JAZF1: variants seen among roughly 807,000 people sequenced by gnomAD.
JAZF1 encodes the protein JAZF zinc finger 1.
Under a neutral mutation model 26.4 loss-of-function variants are expected in JAZF1, and 8 were observed. The observed-to-expected ratio is 0.30, with a 90% CI of 0.18 to 0.55. The LOEUF (loss-of-function observed/expected upper bound fraction) is 0.55. Ranked by LOEUF, JAZF1 falls within the 20% of genes least tolerant of loss-of-function variation. The pLI is 0.94. For missense variants in JAZF1, 199 were observed against 322.0 expected, an observed-to-expected ratio of 0.62 and a Z score of 2.92; for synonymous variants, 126 against 122.3, an observed-to-expected ratio of 1.03 and a Z score of -0.20.
intron 3 of JAZF1, among the ~76,000 whole-genome samples, chr7:27,886,027 T>A (rs1040887343): frequency 9.9e-5 from 15 of 152,220 alleles, no homozygotes; most frequent in Non-Finnish European, 2.2e-4. Context: ...CAGTCAACAC[T>A]TCCTGAACAC....
At chr7:27,889,069 C>T (rs190366543) in intron 3 of JAZF1, among the ~76,000 whole-genome samples, 2 of 152,300 alleles carry the variant, frequency 1.3e-5, no homozygotes, top group African/African-American at 4.8e-5. Flanking sequence ...CACATAGATA[C>T]TACAATGAGA....
intron 2 of JAZF1, among the ~76,000 whole-genome samples, chr7:27,938,543 T>C (rs1411749511): frequency 6.6e-6 from 1 of 152,224 alleles, no homozygotes; most frequent in Non-Finnish European, 1.5e-5. Flanking sequence ...TGTGCCTCAG[T>C]TACCTCATGT....
At chr7:27,958,932 T>C (rs1339004913) in intron 2 of JAZF1, among the ~76,000 whole-genome samples, 1 of 152,156 alleles carries the variant, frequency 6.6e-6, no homozygotes, top group Non-Finnish European at 1.5e-5. Flanking sequence ...CGGTAATTGG[T>C]TTTACTAGCA....
intron 1 of JAZF1, among the ~76,000 whole-genome samples, chr7:28,133,439 G>C (rs925277405): frequency 6.6e-6 from 1 of 152,190 alleles, no homozygotes; most frequent in Non-Finnish European, 1.5e-5. Context: ...GAAAAGAGAT[G>C]ATGACATAAA....
At chr7:27,966,823 G>C (rs17156099) in intron 2 of JAZF1, among the ~76,000 whole-genome samples, 15,179 of 152,134 alleles carry the variant, frequency 0.1, 805 homozygotes, top group South Asian at 0.14. Flanking sequence ...TCCTTTAAAG[G>C]TGTGAGATTC....
At position 27,832,466 on chromosome 7, in the gene JAZF1, C is replaced by G. The variant is rs566449507; in HGVS notation, c.*334G>C. 1.3e-4 allele frequency: 30 copies of G among 237,440 alleles called. No individual in the cohort carries two copies. Among genetic ancestry groups the G allele is most frequent in the African/African-American group, 5.5e-4 (25 of 45,462 alleles). The allele number at this position is 237,440 out of a possible 1,614,324, so 14.7% of individuals were successfully genotyped here. ...ATCTCAGTGCCAGCCCCTCCTCCCC[C>G]CAGGTTGATACCACCGCAATACAAT... On this transcript the variant is annotated 3_prime_UTR_variant, in exon 5 of 5. Transcript: ENST00000283928.
chr7:28,110,508 GGA>G (rs1784633302), intron 1 of JAZF1, among the ~76,000 whole-genome samples: 1 of 87,912 alleles, frequency 1.1e-5, no homozygotes, highest in Non-Finnish European at 2.0e-5. Flanking sequence ...GAAAGGAAAA[GGA>G]AAGGAAAAGG....
At chr7:28,158,205 G>GGAGA (rs1222885562) in intron 1 of JAZF1, among the ~76,000 whole-genome samples, 5 of 89,250 alleles carry the variant, frequency 5.6e-5, no homozygotes, top group East Asian at 4.5e-4. Context: ...AGAGAGAGAG[G>GGAGA]GAGAGAGAGA....
intron 1 of JAZF1, among the ~76,000 whole-genome samples, chr7:28,167,521 G>A (rs1003565445): frequency 3.9e-5 from 6 of 152,136 alleles, no homozygotes; most frequent in African/African-American, 7.2e-5. Flanking sequence ...AACTTTTCTC[G>A]TCCAAGCACC....
In JAZF1 at chr7:27,833,006, T is replaced by C. The variant is rs1453135689; in HGVS notation, c.556-30A>G. On this transcript the variant is annotated intron_variant, in intron 4 of 4. Transcript: ENST00000283928. ...GGAGAAGACAAAAATATTTATTACA[T>C]GGATTCACAGGATACCTGTCAAACT... The C allele has an allele frequency of 3.3e-6, 5 of 1,504,974 alleles. No homozygotes were observed. In the Admixed American group the frequency reaches 6.5e-5, roughly 20 times the overall value. The allele number at this position is 1,504,974 out of a possible 1,614,324, so 93.2% of individuals were successfully genotyped here. A position where few individuals can be genotyped will look rare whatever the true frequency, so the allele number is the denominator to read the frequency against.
intron 2 of JAZF1, among the ~76,000 whole-genome samples, chr7:27,945,019 T>G (rs1202268737): frequency 6.6e-6 from 1 of 152,070 alleles, no homozygotes; most frequent in African/African-American, 2.4e-5. Flanking sequence ...CCACTATGCA[T>G]TATCATCTTA....
At chr7:27,891,134 A>C (rs978965523) in intron 3 of JAZF1, among the ~76,000 whole-genome samples, 2 of 152,128 alleles carry the variant, frequency 1.3e-5, no homozygotes, top group African/African-American at 2.4e-5. Flanking sequence ...TTATCTTAAC[A>C]CTTTATTTTC....
chr7:28,007,860 C>G (rs1250412062), intron 1 of JAZF1, among the ~76,000 whole-genome samples: 1 of 152,186 alleles, frequency 6.6e-6, no homozygotes. Flanking sequence ...CATGCATGGC[C>G]TCTCCCATTA....
At chr7:28,025,272 G>C (rs1783075933) in intron 1 of JAZF1, among the ~76,000 whole-genome samples, 1 of 152,152 alleles carries the variant, frequency 6.6e-6, no homozygotes, top group Non-Finnish European at 1.5e-5. Context: ...CAACAACCCA[G>C]TCAACCCTTT....
intron 3 of JAZF1, chr7:27,843,929 G>C (rs1206643646): frequency 6.6e-6 from 1 of 152,268 alleles, no homozygotes; most frequent in East Asian, 1.9e-4. Flanking sequence ...TATGTGAGCT[G>C]TTTATCTCAT....
intron 2 of JAZF1, among the ~76,000 whole-genome samples, chr7:27,987,780 A>G (rs557843214): frequency 3.3e-4 from 51 of 152,384 alleles, no homozygotes; most frequent in Non-Finnish European, 4.1e-4. Context: ...AAGAGAGATC[A>G]GATTGTTACT....
intron 1 of JAZF1, among the ~76,000 whole-genome samples, chr7:28,035,856 A>C (rs1174304579): frequency 3.3e-5 from 5 of 152,244 alleles, no homozygotes; most frequent in African/African-American, 1.2e-4. Flanking sequence ...TGAAACCCTG[A>C]GAACAGACCA....
intron 1 of JAZF1, among the ~76,000 whole-genome samples, chr7:28,117,580 C>G (rs1174903938): frequency 1.3e-5 from 2 of 152,116 alleles, no homozygotes; most frequent in African/African-American, 4.8e-5. Flanking sequence ...CAGATAGCTA[C>G]CCACTTGGCC....
At chr7:27,986,431 G>C (rs1271542326) in intron 2 of JAZF1, among the ~76,000 whole-genome samples, 1 of 152,138 alleles carries the variant, frequency 6.6e-6, no homozygotes, top group East Asian at 1.9e-4. Context: ...TCTTCAAGGA[G>C]AACTACAAAC....
Sources: allele counts gnomAD v4.1 joint callset (sites outside exome capture counted in the v4.1 genomes callset), GRCh38; gene constraint gnomAD v4.1.1; transcripts MANE v1.5; gene names NCBI Gene and HGNC (gene_info 2026-07-23, HGNC 2026-07-21).